The following NLGN2 variants were observed in gnomAD, a reference collection of about 807,000 sequenced individuals.
NLGN2 encodes neuroligin 2, also known as neuroligin-2.
In NLGN2, 11 loss-of-function variants were observed where a neutral mutation model predicts 48.6. The ratio of observed to expected loss-of-function variants is 0.23; its 90% CI spans 0.14 to 0.37. The LOEUF (loss-of-function observed/expected upper bound fraction) is 0.37, where lower values mean the gene tolerates loss of function less well. Ranked by LOEUF, NLGN2 falls within the 10% of genes least tolerant of loss-of-function variation. The pLI is 1.00. For synonymous variants in NLGN2, 548 were observed against 550.0 expected (o/e 1.00, Z 0.05); for missense variants, 801 against 1,225.2 (o/e 0.65, Z 5.17).
In NLGN2 at chr17:7,408,884, C is replaced by T. The variant is rs1470904737; in HGVS notation, c.457+172C>T. On this transcript the variant is annotated intron_variant, in intron 1 of 6. Coordinates refer to ENST00000302926, the MANE Select transcript of NLGN2 (RefSeq NM_020795.4). The surrounding 1 kb of genome is among the most constrained non-coding windows in gnomAD (Gnocchi z 7.5). ...TGCCCCCTGAGGATTGTAAGGGTGC[C>T]TCCAGGCAGTCCCAGGCACACACTC... Among the ~76,000 whole-genome samples, 1 of 152,150 alleles carries T rather than the reference C, an allele frequency of 6.6e-6. No homozygotes were observed. The highest frequency in any genetic ancestry group is 6.5e-5 in the Admixed American group (1 of 15,282).
chr17:7,414,337 C>A lies in NLGN2; in HGVS notation c.509-7C>A. The A allele has an allele frequency of 6.2e-7, 1 of 1,613,822 alleles. No individual in the cohort carries two copies. Among genetic ancestry groups the A allele is most frequent in the South Asian group, 1.1e-5 (1 of 91,056 alleles). ...CCTGGCCCACCTGCCCACCCCTCCC[C>A]ACACAGATATCCGTGACCCTGGGAA... On this transcript the variant is annotated splice_region_variant and splice_polypyrimidine_tract_variant and intron_variant, in intron 2 of 6. Transcript: ENST00000302926.
At chr17:7,414,630 C>T (rs369878793) in intron 3 of NLGN2, 33 bp from the exon 4 acceptor site, 1 of 1,613,152 alleles carries the variant, frequency 6.2e-7, no homozygotes, top group African/African-American at 1.3e-5. Context: ...CGCTGTGACA[C>T]CTCCAGGGAG....
At position 7,408,169 on chromosome 17, in the gene NLGN2, G is replaced by C; in HGVS notation, c.-87G>C. The C allele has an allele frequency of 1.5e-6, 1 of 675,880 alleles. No homozygotes were observed. Among genetic ancestry groups the C allele is most frequent in the East Asian group, 3.6e-5 (1 of 27,856 alleles). The allele number at this position is 675,880 out of a possible 1,614,324, so 41.9% of individuals were successfully genotyped here. A position where few individuals can be genotyped will look rare whatever the true frequency, so the allele number is the denominator to read the frequency against. ...CCCCGCCCCTCCTCCCTCCTGGGGC[G>C]AGGGGGGCCTCCCTCCCTCTCCCCC... On this transcript the variant is annotated 5_prime_UTR_variant, in exon 1 of 7. Transcript: ENST00000302926. The surrounding 1 kb of genome is among the most constrained non-coding windows in gnomAD (Gnocchi z 7.5).
At chr17:7,409,882 A>G (rs1025310702) in intron 1 of NLGN2, among the ~76,000 whole-genome samples, 7 of 152,098 alleles carry the variant, frequency 4.6e-5, no homozygotes, top group African/African-American at 1.7e-4. Flanking sequence ...CCCCCAGTAC[A>G]TCTCTGAAAC....
Position 7,408,646 on chromosome 17 carries a change from G to A in NLGN2, c.391G>A (p.Ala131Thr), listed in dbSNP as rs757491477. 1 of 1,612,472 alleles carries A rather than the reference G, an allele frequency of 6.2e-7. No individual in the cohort carries two copies. The change falls in exon 1 of 7, where the codon GCC (alanine) becomes ACC (threonine). Residue 131 changes from alanine to threonine, a missense_variant. Around this residue, in one of 5 missense-constraint regions of NLGN2, gnomAD observed 56 missense variants for 100.0 expected, o/e 0.56. Coordinates refer to ENST00000302926, the MANE Select transcript of NLGN2 (RefSeq NM_020795.4). The surrounding 1 kb of genome is among the most constrained non-coding windows in gnomAD (Gnocchi z 7.5). ...GTTCACCGACAACTTGGAGGCGGCC[G>A]CCACCTACGTGCAGAACCAGAGCGA... is the stretch of plus-strand genomic sequence containing the variant. ...VWFTDNLEAA[A>T]TYVQNQSEDC... is the part of the protein sequence containing the mutation.
upstream of NLGN2, among the ~76,000 whole-genome samples, chr17:7,405,799 T>G (rs1296116548): frequency 6.6e-6 from 1 of 151,882 alleles, no homozygotes; most frequent in East Asian, 1.9e-4. This position sits in a 1 kb window ranked among gnomAD's most constrained non-coding sequence, Gnocchi z 6.8. Context: ...CCATGAATGA[T>G]CCTTTGAATG....
rs1460545660 is a variant in NLGN2, at chr17:7,415,080, T to C, written c.969T>C (p.Ala323=). The C allele has an allele frequency of 6.2e-7, 1 of 1,613,042 alleles. No individual in the cohort carries two copies. Among genetic ancestry groups the C allele is most frequent in the African/African-American group, 1.3e-5 (1 of 75,030 alleles). ...AKVGCDREDS[A]EAVECLRRKP... is the part of the protein sequence containing the mutation. ...TGGGCTGTGACCGAGAGGACAGCGC[T>C]GAAGCTGTGGAGTGTCTGCGCCGGA... Residue 323 remains alanine, a synonymous_variant, in exon 5 of 7, where the codon GCT becomes GCC. Transcript: ENST00000302926.
intron 1 of NLGN2, among the ~76,000 whole-genome samples, chr17:7,410,987 A>G (rs934402697): frequency 1.3e-5 from 2 of 152,098 alleles, no homozygotes; most frequent in Non-Finnish European, 2.9e-5. Context: ...GCCTTGACCC[A>G]TCCTTGGCCT....
At chr17:7,412,127 TTTTTCTC>T in intron 1 of NLGN2, 23 bp from the exon 2 acceptor site, 1 of 1,518,334 alleles carries the variant, frequency 6.6e-7, no homozygotes, top group Non-Finnish European at 9.0e-7. Flanking sequence ...AAATTGTCCT[TTTTTCTC>T]TGTTTTGTGT....
rs1906870616 is a variant in NLGN2 at position 7,411,164 on chromosome 17, G to T, written c.458-993G>T. Among the ~76,000 whole-genome samples the T allele has an allele frequency of 6.6e-6, 1 of 152,226 alleles. No homozygotes were observed. Among genetic ancestry groups the T allele is most frequent in the African/African-American group, 2.4e-5 (1 of 41,464 alleles). On this transcript the variant is annotated intron_variant, in intron 1 of 6. Transcript: ENST00000302926. The surrounding 1 kb of genome is among the most constrained non-coding windows in gnomAD (Gnocchi z 4.5). ...GTACCTGCTGGCACCTGTGTGCCAG[G>T]CTGGCTCAGGGCACTGTGTTCCTCG...
In NLGN2 at chr17:7,416,963, A is replaced by C. The variant is rs750026613; in HGVS notation, c.1672A>C (p.Ile558Leu). ...GCCGGTGCCGCAGGATACCAAGTTC[A>C]TCCACACCAAGCCCAATCGCTTCGA... ...NQPVPQDTKF[I>L]HTKPNRFEEV... is the part of the protein sequence containing the mutation. The change falls in exon 7 of 7, where the codon ATC (isoleucine) becomes CTC (leucine). Residue 558 changes from isoleucine to leucine, a missense_variant. Around this residue, in one of 5 missense-constraint regions of NLGN2, gnomAD observed 303 missense variants for 600.1 expected, o/e 0.50. Transcript: ENST00000302926. The C allele has an allele frequency of 6.2e-7, 1 of 1,614,006 alleles. No individual in the cohort carries two copies. The highest frequency in any genetic ancestry group is 8.5e-7 in the Non-Finnish European group (1 of 1,179,966).
At chr17:7,406,653 C>CGGG (rs71157283), upstream of NLGN2, among the ~76,000 whole-genome samples, 5,908 of 89,782 alleles carry the variant, frequency 0.066, 183 homozygotes, top group Non-Finnish European at 0.085. Context: ...GGTGGGGGGG[C>CGGG]GGGGGGGGGG....
Position 7,415,052 on chromosome 17 carries a change from A to G in NLGN2, c.941A>G (p.Lys314Arg), listed in dbSNP as rs767170441. The G allele has an allele frequency of 1.2e-6, 2 of 1,613,532 alleles. No homozygotes were observed. Among genetic ancestry groups the G allele is most frequent in the South Asian group, 2.2e-5 (2 of 91,082 alleles). The change falls in exon 5 of 7, where the codon AAG becomes AGG. Residue 314 changes from lysine (K) to arginine (R), a missense_variant. This residue lies in a region of NLGN2 where 303 missense variants were observed against 600.1 expected (regional missense o/e 0.50). Transcript: ENST00000302926. Reference protein sequence around the residue: ...PLKYTRLLAAKVGCDREDSAE... With the variant: ...PLKYTRLLAARVGCDREDSAE... ...AAGTACACGCGGCTGCTGGCAGCCA[A>G]GGTGGGCTGTGACCGAGAGGACAGC...
In NLGN2 at chr17:7,408,197, T is replaced by TTCTC. The variant is rs1176734766; in HGVS notation, c.-50_-47dup. On this transcript the variant is annotated 5_prime_UTR_variant, in exon 1 of 7. Transcript: ENST00000302926. This position sits in a 1 kb window ranked among gnomAD's most constrained non-coding sequence, Gnocchi z 7.5. ...GGGGGCCTCCCTCCCTCTCCCCCCC[T>TTCTC]TCTCTCTCTCTCCGAGGGGGGGGGG... 16 of 901,478 alleles carry TTCTC rather than the reference T, an allele frequency of 1.8e-5. No homozygotes were observed. The highest frequency in any genetic ancestry group is 1.9e-5 in the Non-Finnish European group (13 of 670,564). 55.8% of individuals were successfully genotyped at this position (901,478 alleles called of 1,614,324 possible). A position where few individuals can be genotyped will look rare whatever the true frequency, so the allele number is the denominator to read the frequency against.
chr17:7,416,472 C>G (rs938355192), intron 6 of NLGN2, among the ~76,000 whole-genome samples: 3 of 152,120 alleles, frequency 2.0e-5, no homozygotes, highest in Admixed American at 1.3e-4. Context: ...GTCTCTGTCT[C>G]TCTGAAAATC....
At chr17:7,416,257 T>C (rs528329125) in intron 6 of NLGN2, 150 bp downstream of exon 6, 266 of 681,906 alleles carry the variant, frequency 3.9e-4, no homozygotes, top group Non-Finnish European at 4.0e-4. Context: ...GAGTTGAGCG[T>C]TGGAGACTCA....
chr17:7,414,251 C>T, intron 2 of NLGN2, 93 bp from the exon 3 acceptor site: 1 of 1,207,052 alleles, frequency 8.3e-7, no homozygotes, highest in African/African-American at 1.5e-5. Flanking sequence ...GGCCAGTCCT[C>T]AGCAGGCCTG....
chr17:7,406,656 G>A (rs1454746993), upstream of NLGN2, among the ~76,000 whole-genome samples: 2 of 140,922 alleles, frequency 1.4e-5, no homozygotes, highest in Non-Finnish European at 3.1e-5. Flanking sequence ...GGGGGGGCGG[G>A]GGGGGGGCTT....
chr17:7,406,793 T>A (rs1412158158), upstream of NLGN2, among the ~76,000 whole-genome samples: 1 of 151,456 alleles, frequency 6.6e-6, no homozygotes, highest in East Asian at 1.9e-4. Context: ...GGTAGGTGAA[T>A]GGATGGGTTG....
Sources: allele counts gnomAD v4.1 joint callset (sites outside exome capture counted in the v4.1 genomes callset), GRCh38; gene constraint gnomAD v4.1.1; regional missense constraint gnomAD v4.1.1; non-coding constraint Gnocchi (gnomAD v3.1); transcripts MANE v1.5; gene names NCBI Gene and HGNC (gene_info 2026-07-23, HGNC 2026-07-21).